The following USP14 variants were observed in gnomAD, a reference collection of about 807,000 sequenced individuals.
The protein encoded by USP14 is ubiquitin specific peptidase 14.
A neutral mutation model predicts 76.5 loss-of-function variants in USP14; 38 were observed. The observed-to-expected ratio is 0.50, with a 90% CI of 0.38 to 0.65. USP14 has a LOEUF of 0.65. USP14 is among the 30% of genes least tolerant of loss of function. The probability of loss-of-function intolerance (pLI) is 0.00; values close to 1 mark genes in which losing one functional copy is unlikely to be tolerated. For missense variants in USP14, 467 were observed against 586.5 expected, an observed-to-expected ratio of 0.80 and a Z score of 2.10; for synonymous variants, 192 against 191.7, an observed-to-expected ratio of 1.00 and a Z score of -0.01.
At position 207,617 on chromosome 18, in the gene USP14, C is replaced by G. The variant is rs1479952911; in HGVS notation, c.1165-2354C>G. 2.8e-5 allele frequency among the ~76,000 whole-genome samples: 3 copies of G among 108,764 alleles called. 1 individual carries two copies. Among genetic ancestry groups the G allele is most frequent in the African/African-American group, 8.7e-5 (3 of 34,382 alleles). The allele number at this position is 108,764 out of a possible 152,430, so 71.4% of individuals were successfully genotyped here. On this transcript the variant is annotated intron_variant, in intron 13 of 15. Transcript: ENST00000261601. ...TCACTTGAGCATGGGAAATGGAGGT[C>G]ATAGTGAGCCAAAATGGTGCCACTG... is the stretch of plus-strand genomic sequence containing the variant.
intron 5 of USP14, among the ~76,000 whole-genome samples, chr18:187,863 A>G (rs752380018): frequency 6.6e-6 from 1 of 152,138 alleles, no homozygotes; most frequent in Non-Finnish European, 1.5e-5. Context: ...CTGAAAACAC[A>G]TTTTAGTTAT....
intron 3 of USP14, among the ~76,000 whole-genome samples, chr18:171,853 A>G (rs893257290): frequency 3.3e-5 from 5 of 152,194 alleles, no homozygotes; most frequent in Non-Finnish European, 4.4e-5. Flanking sequence ...AGGAGTTTGA[A>G]AGAAGTTGAT....
chr18:192,722 A>G, intron 5 of USP14, 120 bp from the exon 6 acceptor site: 7 of 814,074 alleles, frequency 8.6e-6, no homozygotes, highest in Non-Finnish European at 1.2e-5. Context: ...GAAAGGTGGG[A>G]ACAACTCTGA....
intron 5 of USP14, among the ~76,000 whole-genome samples, chr18:184,476 G>A (rs3889860): frequency 0.15 from 22,075 of 152,194 alleles, 1,791 homozygotes; most frequent in African/African-American, 0.2. Context: ...TATGGGTCCC[G>A]AGTGTGATGG....
At chr18:178,219 C>T (rs1254680802) in intron 3 of USP14, among the ~76,000 whole-genome samples, 1 of 152,016 alleles carries the variant, frequency 6.6e-6, no homozygotes, top group African/African-American at 2.4e-5. Flanking sequence ...GGGATTTCGC[C>T]ATGTTGCCCA....
Position 196,630 on chromosome 18 carries a change from C to T in USP14, c.464-7C>T. Reference sequence around the variant, plus strand: ...TTTACTAAGGCAATGTTTGCTTTGTCTTTAAGCCCTTAGAGATTTGTTTGA... The same window carrying T: ...TTTACTAAGGCAATGTTTGCTTTGTTTTTAAGCCCTTAGAGATTTGTTTGA... On this transcript the variant is annotated splice_polypyrimidine_tract_variant and splice_region_variant and intron_variant, in intron 6 of 15. Coordinates refer to ENST00000261601, the MANE Select transcript of USP14 (RefSeq NM_005151.4). 1.9e-6 allele frequency: 3 copies of T among 1,611,136 alleles called. No homozygotes were observed. Among genetic ancestry groups the T allele is most frequent in the Non-Finnish European group, 2.5e-6 (3 of 1,178,834 alleles).
intron 6 of USP14, among the ~76,000 whole-genome samples, chr18:193,624 CTA>C (rs1567833187): frequency 6.6e-6 from 1 of 152,170 alleles, no homozygotes; most frequent in African/African-American, 2.4e-5. Flanking sequence ...ACCCATTTAT[CTA>C]TGTGTTATTT....
At chr18:160,259 G>A (rs938882865) in intron 1 of USP14, among the ~76,000 whole-genome samples, 2 of 152,166 alleles carry the variant, frequency 1.3e-5, no homozygotes, top group African/African-American at 2.4e-5. Flanking sequence ...AGCCAAGATC[G>A]CGCCATTGCA....
At chr18:172,381 A>T (rs1909488787) in intron 3 of USP14, among the ~76,000 whole-genome samples, 1 of 151,750 alleles carries the variant, frequency 6.6e-6, no homozygotes, top group South Asian at 2.1e-4. Context: ...ACTCCTAGTG[A>T]AGAAGCTGTG....
At chr18:210,710 T>G in intron 15 of USP14, among the ~76,000 whole-genome samples, 1 of 152,288 alleles carries the variant, frequency 6.6e-6, no homozygotes, top group East Asian at 1.9e-4. Flanking sequence ...AAAATGATAG[T>G]AATAAGCCCA....
intron 9 of USP14, 98 bp downstream of exon 9, chr18:198,230 A>C: frequency 2.7e-6 from 3 of 1,092,636 alleles, no homozygotes; most frequent in Non-Finnish European, 3.8e-6. Context: ...GTAGAAGAAA[A>C]ATTCTTCAGA....
In USP14 at chr18:198,047, A is replaced by T; in HGVS notation, c.676A>T (p.Thr226Ser). ...EAIEDDSVKE[T>S]DSSSASAATP... ...GGAATTTTTATTTTAATTTTTGCAG[A>T]CAGACTCCTCATCTGCATCGGCAGC... The change falls in exon 9 of 16, where the codon ACA becomes TCA. Residue 226 changes from threonine to serine, a missense_variant and splice_region_variant. By Grantham distance (58) the Thr-to-Ser change is moderately conservative. Coordinates refer to ENST00000261601, the MANE Select transcript of USP14 (RefSeq NM_005151.4). 1.2e-6 allele frequency: 2 copies of T among 1,602,840 alleles called. No homozygotes were observed. Among genetic ancestry groups the T allele is most frequent in the Non-Finnish European group, 1.7e-6 (2 of 1,174,684 alleles).
At chr18:160,245 A>C (rs1014343572) in intron 1 of USP14, among the ~76,000 whole-genome samples, 1 of 151,880 alleles carries the variant, frequency 6.6e-6, no homozygotes, top group African/African-American at 2.4e-5. Flanking sequence ...CGGAGGTTGT[A>C]GTGAGCCAAG....
At chr18:163,514 G>A (rs759195662) in intron 2 of USP14, 61 bp downstream of exon 2, 26 of 1,530,006 alleles carry the variant, frequency 1.7e-5, no homozygotes, top group South Asian at 1.0e-4. Context: ...GAAAAATAAC[G>A]CCAGAAAATT....
chr18:177,630 CCT>C (rs931412074), intron 3 of USP14, among the ~76,000 whole-genome samples: 4 of 125,452 alleles, frequency 3.2e-5, no homozygotes, highest in African/African-American at 8.0e-5. Flanking sequence ...TTTTTCCCTC[CCT>C]GTTTTTTTTT....
At chr18:178,568 A>C (rs1909694076) in intron 3 of USP14, among the ~76,000 whole-genome samples, 1 of 152,202 alleles carries the variant, frequency 6.6e-6, no homozygotes, top group Non-Finnish European at 1.5e-5. Flanking sequence ...ACGATTTAGA[A>C]GTTTCATCAC....
chr18:205,757 T>C (rs72856250), intron 13 of USP14, among the ~76,000 whole-genome samples: 32,207 of 152,146 alleles, frequency 0.21, 3,942 homozygotes, highest in South Asian at 0.35. Context: ...CTCCAACCTG[T>C]ATAACAAAGC....
chr18:194,846 G>C (rs1003069357), intron 6 of USP14, among the ~76,000 whole-genome samples: 1 of 152,122 alleles, frequency 6.6e-6, no homozygotes, highest in African/African-American at 2.4e-5. Context: ...CACGAGAATC[G>C]CTTGAACCTG....
At chr18:179,616 C>T (rs371177082) in intron 4 of USP14, among the ~76,000 whole-genome samples, 2 of 116,842 alleles carry the variant, frequency 1.7e-5, no homozygotes, top group Admixed American at 1.2e-4. Flanking sequence ...GAGATGGGGT[C>T]TTGCTCTGTC....
Sources: allele counts gnomAD v4.1 joint callset (sites outside exome capture counted in the v4.1 genomes callset), GRCh38; gene constraint gnomAD v4.1.1; transcripts MANE v1.5; gene names NCBI Gene and HGNC (gene_info 2026-07-23, HGNC 2026-07-21).